Variants in AFF3 observed in about 807,000 individuals in gnomAD.
AFF3 encodes AF4/FMR2 family member 3.
AFF3 carries 32 observed loss-of-function variants against 129.7 expected under a neutral mutation model. The ratio of observed to expected loss-of-function variants is 0.25; its 90% confidence interval spans 0.19 to 0.33. The LOEUF (loss-of-function observed/expected upper bound fraction) is 0.33, where lower values mean the gene tolerates loss of function less well. Among genes scored for constraint, AFF3 ranks in the 10% least tolerant of loss-of-function variants. The probability of loss-of-function intolerance (pLI) is 1.00; values close to 1 mark genes in which losing one functional copy is unlikely to be tolerated. For missense variants in AFF3, 1,373 were observed against 1,592.0 expected (o/e 0.86, Z 2.34); for synonymous variants, 644 against 635.4 (o/e 1.01, Z -0.20).
At chr2:99,682,121 G>C (rs1458717576) in intron 11 of AFF3, among the ~76,000 whole-genome samples, 1 of 151,916 alleles carries the variant, frequency 6.6e-6, no homozygotes, top group African/African-American at 2.4e-5. Flanking sequence ...TGACCAGGCT[G>C]GTCTCGAACT....
intron 7 of AFF3, among the ~76,000 whole-genome samples, chr2:99,900,043 G>A (rs1396669634): frequency 1.3e-5 from 2 of 152,168 alleles, no homozygotes; most frequent in Non-Finnish European, 2.9e-5. Flanking sequence ...GCAAGGCCAT[G>A]GAGAGCTCAC....
At chr2:100,046,149 G>C (rs1442844900) in intron 4 of AFF3, among the ~76,000 whole-genome samples, 1 of 152,136 alleles carries the variant, frequency 6.6e-6, no homozygotes, top group Non-Finnish European at 1.5e-5. Flanking sequence ...AGGAATAACA[G>C]AATTAACAAT....
chr2:99,565,761 AGAATAC>A, intron 19 of AFF3, 138 bp from the exon 20 acceptor site: 2 of 978,262 alleles, frequency 2.0e-6, no homozygotes, highest in Non-Finnish European at 3.0e-6. Flanking sequence ...AGAAAGAAAT[AGAATAC>A]TTCTTTTCCT....
At chr2:100,002,087 T>C (rs1331975723) in intron 7 of AFF3, among the ~76,000 whole-genome samples, 1 of 152,242 alleles carries the variant, frequency 6.6e-6, no homozygotes, top group East Asian at 1.9e-4. Flanking sequence ...GTGGGGAAAC[T>C]GAGTCTCCAG....
chr2:100,007,545 G>A, intron 5 of AFF3, 85 bp from the exon 6 acceptor site: 1 of 1,272,234 alleles, frequency 7.9e-7, no homozygotes, highest in South Asian at 1.4e-5. Flanking sequence ...ATCAATCACA[G>A]AGCCAGGGTT....
chr2:99,670,910 A>G (rs1227142681), intron 12 of AFF3, among the ~76,000 whole-genome samples: 1 of 152,208 alleles, frequency 6.6e-6, no homozygotes, highest in African/African-American at 2.4e-5. Context: ...AATATTATCA[A>G]TGAGTACAGA....
At chr2:99,568,954 A>T (rs1478516794) in intron 18 of AFF3, 39 bp from the exon 19 acceptor site, 2 of 1,558,104 alleles carry the variant, frequency 1.3e-6, no homozygotes, top group Admixed American at 3.3e-5. Flanking sequence ...ATTATGGCTT[A>T]AGTGCAACGT....
At chr2:99,573,684 T>C (rs1676717053) in intron 18 of AFF3, among the ~76,000 whole-genome samples, 1 of 152,198 alleles carries the variant, frequency 6.6e-6, no homozygotes, top group Non-Finnish European at 1.5e-5. Flanking sequence ...CCGGCCACAT[T>C]TCACATGCCA....
At position 99,744,148 on chromosome 2, in the gene AFF3, A is replaced by G; in HGVS notation, c.1003-8T>C. On this transcript the variant is annotated splice_polypyrimidine_tract_variant and splice_region_variant and intron_variant, in intron 9 of 24. Coordinates refer to ENST00000672756, the MANE Select transcript of AFF3 (RefSeq NM_001386135.1). ...GGATACAAGCTGAGAGTCCTGAAAG[A>G]ACAAGAAATATCAATTAATTTTCTT... 6.2e-7 allele frequency: 1 copy of G among 1,604,048 alleles called. No homozygotes were observed.
At chr2:99,775,516 G>T (rs1044096611) in intron 8 of AFF3, among the ~76,000 whole-genome samples, 126 of 152,054 alleles carry the variant, frequency 8.3e-4, no homozygotes, top group African/African-American at 2.9e-3. Flanking sequence ...GAGAACACAT[G>T]GACACATGTG....
intron 11 of AFF3, among the ~76,000 whole-genome samples, chr2:99,720,270 G>A (rs950328564): frequency 6.6e-6 from 1 of 152,066 alleles, no homozygotes; most frequent in South Asian, 2.1e-4. Context: ...CTGGGTCATG[G>A]GCATGGATGC....
At chr2:99,812,882 G>A (rs944586648) in intron 8 of AFF3, among the ~76,000 whole-genome samples, 4 of 151,960 alleles carry the variant, frequency 2.6e-5, no homozygotes, top group African/African-American at 7.3e-5. Context: ...GGAACAAATC[G>A]TGTTATTATT....
chr2:99,886,801 G>A (rs568622795), intron 7 of AFF3, among the ~76,000 whole-genome samples: 2 of 152,262 alleles, frequency 1.3e-5, no homozygotes, highest in East Asian at 3.9e-4. Flanking sequence ...TTTCTTGAAT[G>A]GCCAAAGAGC....
At chr2:99,818,246 A>G (rs563839755) in intron 8 of AFF3, among the ~76,000 whole-genome samples, 1 of 152,286 alleles carries the variant, frequency 6.6e-6, no homozygotes, top group Non-Finnish European at 1.5e-5. Flanking sequence ...CCAAAATCCA[A>G]AATCTAAAAC....
intron 4 of AFF3, among the ~76,000 whole-genome samples, chr2:100,094,169 C>G (rs1165490436): frequency 6.6e-6 from 1 of 152,188 alleles, no homozygotes; most frequent in Admixed American, 6.5e-5. Context: ...GACTTTTTTT[C>G]CATGGACCAG....
At chr2:99,744,374 T>C (rs1485744799) in intron 9 of AFF3, among the ~76,000 whole-genome samples, 1 of 152,216 alleles carries the variant, frequency 6.6e-6, no homozygotes, top group Non-Finnish European at 1.5e-5. Context: ...GTTTTGTTTA[T>C]TGAGGTGAAG....
intron 13 of AFF3, among the ~76,000 whole-genome samples, chr2:99,636,925 C>A (rs1170920850): frequency 6.6e-6 from 1 of 152,144 alleles, no homozygotes; most frequent in Non-Finnish European, 1.5e-5. Context: ...GGTCACGGGG[C>A]GGCAGCCTGT....
At chr2:99,562,151 G>T (rs189267383) in intron 20 of AFF3, among the ~76,000 whole-genome samples, 89 of 152,226 alleles carry the variant, frequency 5.8e-4, no homozygotes, top group South Asian at 4.1e-3. Flanking sequence ...ATTTCTTTGG[G>T]TTTATCTTAT....
At chr2:99,937,974 T>A (rs1674681598) in intron 7 of AFF3, among the ~76,000 whole-genome samples, 1 of 152,166 alleles carries the variant, frequency 6.6e-6, no homozygotes, top group African/African-American at 2.4e-5. Context: ...TTCATAGGCA[T>A]CTCACAATCA....
Sources: gnomAD v4.1 joint callset for allele counts (sites outside exome capture counted in the v4.1 genomes callset) on GRCh38, gnomAD v4.1.1 for gene constraint, MANE v1.5 for transcripts, NCBI Gene and HGNC (gene_info 2026-07-23, HGNC 2026-07-21) for gene names.